The following SEMA6D variants were observed in gnomAD, a reference collection of about 807,000 sequenced individuals.
The protein encoded by SEMA6D is semaphorin-6D.
SEMA6D carries 35 observed loss-of-function variants against 106.6 expected under a neutral mutation model. The ratio of observed to expected loss-of-function variants is 0.33; its 90% CI spans 0.25 to 0.44. The LOEUF is 0.44. SEMA6D is among the 20% of genes least tolerant of loss of function. The probability of loss-of-function intolerance (pLI) is 1.00; values close to 1 mark genes in which losing one functional copy is unlikely to be tolerated. For missense variants in SEMA6D, 1,185 were observed against 1,345.9 expected (o/e 0.88, Z 1.87); for synonymous variants, 499 against 487.7 (o/e 1.02, Z -0.31).
intron 2 of SEMA6D, among the ~76,000 whole-genome samples, chr15:47,416,989 T>G (rs1191838348): frequency 3.3e-5 from 5 of 152,098 alleles, no homozygotes; most frequent in Non-Finnish European, 7.4e-5. Context: ...AAGTTTTGCA[T>G]CTGACAAAAT....
At chr15:47,190,684 A>G (rs1893899670) in intron 1 of SEMA6D, among the ~76,000 whole-genome samples, 1 of 152,242 alleles carries the variant, frequency 6.6e-6, no homozygotes, top group South Asian at 2.1e-4. Flanking sequence ...ACATTAGTGT[A>G]AATTCCTGCT....
At chr15:47,398,926 C>T (rs1567052376) in intron 1 of SEMA6D, among the ~76,000 whole-genome samples, 1 of 152,164 alleles carries the variant, frequency 6.6e-6, no homozygotes, top group Non-Finnish European at 1.5e-5. Flanking sequence ...GCGGCATAAC[C>T]TTGGTCAAGA....
At chr15:47,386,435 G>C (rs959496431) in intron 1 of SEMA6D, among the ~76,000 whole-genome samples, 1 of 152,202 alleles carries the variant, frequency 6.6e-6, no homozygotes. Context: ...TGGAATGCCT[G>C]TGAGCAAAAA....
chr15:47,414,997 GATAAA>G (rs2040913709), intron 2 of SEMA6D, among the ~76,000 whole-genome samples: 1 of 152,148 alleles, frequency 6.6e-6, no homozygotes, highest in Admixed American at 6.5e-5. Context: ...CTTAGCTGGA[GATAAA>G]ATAATAAGTA....
chr15:47,763,804 T>G (rs747846029), intron 9 of SEMA6D, 46 bp from the exon 10 acceptor site: 3 of 1,530,356 alleles, frequency 2.0e-6, no homozygotes, highest in South Asian at 2.2e-5. Context: ...TTTCCATTCC[T>G]TTCCATGCTC....
intron 1 of SEMA6D, among the ~76,000 whole-genome samples, chr15:47,363,194 G>A (rs1288724429): frequency 6.6e-6 from 1 of 152,142 alleles, no homozygotes; most frequent in Admixed American, 6.5e-5. Flanking sequence ...GGCATAAAGA[G>A]GTAACCTATC....
chr15:47,227,126 C>G (rs991362708), intron 1 of SEMA6D, among the ~76,000 whole-genome samples: 8 of 152,016 alleles, frequency 5.3e-5, no homozygotes, highest in African/African-American at 1.9e-4. Flanking sequence ...TGCTTGAACA[C>G]ATGATTATCA....
At chr15:47,250,176 A>T (rs2033431350) in intron 1 of SEMA6D, among the ~76,000 whole-genome samples, 1 of 152,194 alleles carries the variant, frequency 6.6e-6, no homozygotes, top group Admixed American at 6.5e-5. Flanking sequence ...CACAGGAATG[A>T]TTGTCTATAT....
intron 3 of SEMA6D, among the ~76,000 whole-genome samples, chr15:47,488,836 G>A (rs1235902245): frequency 6.6e-6 from 1 of 152,096 alleles, no homozygotes; most frequent in Non-Finnish European, 1.5e-5. Context: ...ATAGACAAGG[G>A]TCACACTCTT....
chr15:47,606,769 T>C (rs929050816), intron 4 of SEMA6D, among the ~76,000 whole-genome samples: 1 of 152,214 alleles, frequency 6.6e-6, no homozygotes, highest in African/African-American at 2.4e-5. Flanking sequence ...CTATTTACAT[T>C]ACTAAACTCT....
intron 4 of SEMA6D, among the ~76,000 whole-genome samples, chr15:47,710,492 T>C (rs1338343513): frequency 1.3e-5 from 2 of 152,170 alleles, no homozygotes; most frequent in East Asian, 1.9e-4. Flanking sequence ...TCAGAACATA[T>C]TGTGGTAGTT....
At chr15:47,550,529 C>T (rs940325103) in intron 3 of SEMA6D, among the ~76,000 whole-genome samples, 1 of 152,096 alleles carries the variant, frequency 6.6e-6, no homozygotes, top group Admixed American at 6.6e-5. Flanking sequence ...AGACTACAGC[C>T]AAGGAATCTG....
At chr15:47,492,222 A>G (rs978622856) in intron 3 of SEMA6D, among the ~76,000 whole-genome samples, 6 of 152,214 alleles carry the variant, frequency 3.9e-5, no homozygotes, top group Non-Finnish European at 7.4e-5. Context: ...AAAAGTCCAA[A>G]TTAGACTGAA....
chr15:47,462,552 A>G (rs1379442379), intron 2 of SEMA6D, among the ~76,000 whole-genome samples: 2 of 152,078 alleles, frequency 1.3e-5, no homozygotes, highest in African/African-American at 4.8e-5. Context: ...ACATAAACGT[A>G]TTTCTTGTTT....
At chr15:47,515,819 T>G (rs1465369215) in intron 3 of SEMA6D, among the ~76,000 whole-genome samples, 2 of 152,200 alleles carry the variant, frequency 1.3e-5, no homozygotes, top group Non-Finnish European at 2.9e-5. Context: ...GAGGCTGCCT[T>G]ACGACATTTT....
chr15:47,465,190 A>ACC (rs1214459374), intron 2 of SEMA6D, among the ~76,000 whole-genome samples: 1 of 152,174 alleles, frequency 6.6e-6, no homozygotes, highest in East Asian at 1.9e-4. Flanking sequence ...TAGTCAGTAG[A>ACC]TGCATTTTGA....
intron 2 of SEMA6D, among the ~76,000 whole-genome samples, chr15:47,468,489 G>A (rs940280772): frequency 3.3e-5 from 5 of 152,174 alleles, no homozygotes; most frequent in African/African-American, 9.6e-5. Flanking sequence ...AAGTCACCAA[G>A]GGCCATGGTC....
chr15:47,290,071 A>G (rs761757586), intron 1 of SEMA6D, among the ~76,000 whole-genome samples: 1 of 152,218 alleles, frequency 6.6e-6, no homozygotes, highest in African/African-American at 2.4e-5. Context: ...AGCCTCTGCA[A>G]TACTTCCGCA....
intron 4 of SEMA6D, among the ~76,000 whole-genome samples, chr15:47,660,433 G>A (rs2077894633): frequency 6.6e-6 from 1 of 152,100 alleles, no homozygotes; most frequent in Non-Finnish European, 1.5e-5. Context: ...CCTATGGTAT[G>A]TATCTAAGGT....
Sources: allele counts gnomAD v4.1 joint callset (sites outside exome capture counted in the v4.1 genomes callset), GRCh38; gene constraint gnomAD v4.1.1; transcripts MANE v1.5; gene names NCBI Gene and HGNC (gene_info 2026-07-23, HGNC 2026-07-21).